STARD3: variants seen among roughly 807,000 people sequenced by gnomAD.
STARD3 encodes StAR related lipid transfer domain containing 3.
In STARD3, 39 loss-of-function variants were observed where a neutral mutation model predicts 62.0. That is an observed-to-expected ratio of 0.63 (90% CI 0.49 to 0.82). The LOEUF is 0.82. STARD3 is among the 40% of genes least tolerant of loss of function. The pLI is 0.00. For missense variants in STARD3, 543 were observed against 584.5 expected, an observed-to-expected ratio of 0.93 and a Z score of 0.73; for synonymous variants, 229 against 242.4, an observed-to-expected ratio of 0.94 and a Z score of 0.51.
At chr17:39,651,245 A>G (rs928165823) in intron 1 of STARD3, among the ~76,000 whole-genome samples, 6 of 152,350 alleles carry the variant, frequency 3.9e-5, no homozygotes, top group Non-Finnish European at 8.8e-5. Context: ...GCACAGGGGC[A>G]GAGGGATGGA....
At position 39,658,820 on chromosome 17, in the gene STARD3, G is replaced by C; in HGVS notation, c.646G>C (p.Gly216Arg). 6.2e-7 allele frequency: 1 copy of C among 1,613,870 alleles called. No individual in the cohort carries two copies. Among genetic ancestry groups the C allele is most frequent in the Non-Finnish European group, 8.5e-7 (1 of 1,179,924 alleles). The change falls in exon 7 of 15, where the codon GGG becomes CGG. Residue 216 changes from glycine (G) to arginine (R), a missense_variant and splice_region_variant. By Grantham distance (125) the Gly-to-Arg change is moderately radical. Coordinates refer to ENST00000336308, the MANE Select transcript of STARD3 (RefSeq NM_006804.4). Reference protein sequence around the residue: ...QFYSPPESFAGSDNESDEEVA... With the variant: ...QFYSPPESFARSDNESDEEVA... The stretch of plus-strand genomic sequence containing the variant: ...CTATTCACCCCCAGAATCCTTTGCA[G>C]GTGAGGGCTGGTGTGTGGGGGAACT...
chr17:39,644,851 C>CAAAAAA (rs35361174), intron 1 of STARD3, among the ~76,000 whole-genome samples: 113 of 116,886 alleles, frequency 9.7e-4, no homozygotes, highest in African/African-American at 3.3e-3. Context: ...GACAGAGTCT[C>CAAAAAA]AAAAAAAAAA....
At chr17:39,659,179 C>T (rs1015119375) in intron 8 of STARD3, 73 bp downstream of exon 8, 33 of 1,589,884 alleles carry the variant, frequency 2.1e-5, no homozygotes, top group East Asian at 2.0e-4. Flanking sequence ...AGGGGTCAGC[C>T]GGGGTGGGCA....
rs2057207875 is a variant in STARD3 at position 39,662,235 on chromosome 17, A to G, written c.1140-16A>G. On this transcript the variant is annotated splice_polypyrimidine_tract_variant and intron_variant, in intron 13 of 14. Transcript: ENST00000336308. ...ACTCTGTTCCAAAGTCCCCCCAATG[A>G]TGCCTCTTTCCATAGGGGAGAGAAT... The G allele has an allele frequency of 6.2e-7, 1 of 1,611,140 alleles. No individual in the cohort carries two copies. Among genetic ancestry groups the G allele is most frequent in the Non-Finnish European group, 8.5e-7 (1 of 1,178,266 alleles).
At chr17:39,646,081 AG>A (rs2057024030) in intron 1 of STARD3, among the ~76,000 whole-genome samples, 1 of 149,090 alleles carries the variant, frequency 6.7e-6, no homozygotes, top group Non-Finnish European at 1.5e-5. Context: ...TAGTAGAGAC[AG>A]GGTTTTGCCA....
chr17:39,662,566 C>G (rs1250164564), intron 14 of STARD3: 19 of 630,048 alleles, frequency 3.0e-5, no homozygotes, highest in East Asian at 1.4e-4. Flanking sequence ...TCCTGAGGCC[C>G]TGAGGAAGGG....
chr17:39,657,168 G>T (rs2057139405), intron 3 of STARD3, 83 bp downstream of exon 3: 2 of 1,348,202 alleles, frequency 1.5e-6, no homozygotes, highest in Non-Finnish European at 2.1e-6. Context: ...TCTTTTGGCA[G>T]CATATATCCA....
chr17:39,647,122 C>G lies in STARD3; in HGVS notation c.-51-6359C>G, dbSNP rs562338713. ...GCTGAGGCAGGAGAATCGCTTGCAC[C>G]TGGGAGGCGGAGGTTGCAGTGAGCC... is the stretch of plus-strand genomic sequence containing the variant. On this transcript the variant is annotated intron_variant, in intron 1 of 14. Transcript: ENST00000336308. Among the ~76,000 whole-genome samples, 3 of 152,068 alleles carry G rather than the reference C, an allele frequency of 2.0e-5. No homozygotes were observed. In the East Asian group the frequency reaches 5.8e-4, roughly 29 times the overall value.
chr17:39,661,113 C>T, intron 13 of STARD3, 28 bp downstream of exon 13: 1 of 1,600,024 alleles, frequency 6.2e-7, no homozygotes, highest in Non-Finnish European at 8.6e-7. Context: ...TGGGGTCACC[C>T]CTGCCAGCCC....
intron 1 of STARD3, among the ~76,000 whole-genome samples, chr17:39,646,256 G>T (rs951365224): frequency 6.6e-6 from 1 of 151,906 alleles, no homozygotes; most frequent in Non-Finnish European, 1.5e-5. Context: ...CCTTTTGTTT[G>T]TTGTTTTTTG....
At chr17:39,661,424 C>G (rs1004690595) in intron 13 of STARD3, 1 of 299,374 alleles carries the variant, frequency 3.3e-6, no homozygotes, top group East Asian at 7.5e-5. Context: ...GCAGGAGGCT[C>G]TATGCTCTGG....
intron 1 of STARD3, among the ~76,000 whole-genome samples, chr17:39,648,570 G>T (rs941456902): frequency 1.3e-5 from 2 of 152,140 alleles, no homozygotes; most frequent in African/African-American, 4.8e-5. Context: ...GGAATTACTG[G>T]TTGCCCGGAG....
chr17:39,638,978 A>G (rs1351900637), intron 1 of STARD3, among the ~76,000 whole-genome samples: 1 of 152,200 alleles, frequency 6.6e-6, no homozygotes, highest in Non-Finnish European at 1.5e-5. Flanking sequence ...CATCGCTACA[A>G]AAATTTAAAA....
intron 1 of STARD3, among the ~76,000 whole-genome samples, chr17:39,648,264 G>T (rs2057045266): frequency 6.6e-6 from 1 of 152,044 alleles, no homozygotes; most frequent in African/African-American, 2.4e-5. Context: ...TCCAGCCTGG[G>T]CGACAGAGTG....
chr17:39,656,495 C>T (rs2941516), intron 2 of STARD3, among the ~76,000 whole-genome samples: 5,546 of 152,270 alleles, frequency 0.036, 156 homozygotes, highest in Non-Finnish European at 0.058. Flanking sequence ...ACTTCACCCT[C>T]TCAAGCAGCG....
chr17:39,646,924 C>T (rs182195138), intron 1 of STARD3, among the ~76,000 whole-genome samples: 13 of 152,036 alleles, frequency 8.6e-5, no homozygotes, highest in South Asian at 8.4e-4. Context: ...CACTTTTGCC[C>T]GGCGTGGTGG....
At chr17:39,644,548 C>A (rs2057007451) in intron 1 of STARD3, among the ~76,000 whole-genome samples, 1 of 151,706 alleles carries the variant, frequency 6.6e-6, no homozygotes, top group Admixed American at 6.6e-5. Flanking sequence ...AATCACAGAC[C>A]TAGGCCAGGT....
intron 1 of STARD3, among the ~76,000 whole-genome samples, chr17:39,651,525 C>A (rs574303372): frequency 4.5e-4 from 69 of 152,144 alleles, no homozygotes; most frequent in African/African-American, 1.6e-3. Context: ...CAGGCCCCCA[C>A]CAAGCTGGTG....
chr17:39,643,694 C>G (rs1412343441), intron 1 of STARD3, among the ~76,000 whole-genome samples: 1 of 152,166 alleles, frequency 6.6e-6, no homozygotes. Flanking sequence ...TTGGCATTGA[C>G]AGGGCTGCTT....
Sources: gnomAD v4.1 joint callset for allele counts (sites outside exome capture counted in the v4.1 genomes callset) on GRCh38, gnomAD v4.1.1 for gene constraint, MANE v1.5 for transcripts, NCBI Gene and HGNC (gene_info 2026-07-23, HGNC 2026-07-21) for gene names.